The following BANP variants were observed in gnomAD, a reference collection of about 807,000 sequenced individuals.
BANP encodes BTG3 associated nuclear protein.
Under a neutral mutation model 68.1 loss-of-function variants are expected in BANP, and 11 were observed. The observed-to-expected ratio is 0.16, with a 90% CI of 0.10 to 0.27. The LOEUF (loss-of-function observed/expected upper bound fraction) is 0.27. BANP is among the 10% of genes least tolerant of loss of function. BANP has a pLI of 1.00. For synonymous variants in BANP, 329 were observed against 303.2 expected, an observed-to-expected ratio of 1.09 and a Z score of -0.88; for missense variants, 504 against 722.7, an observed-to-expected ratio of 0.70 and a Z score of 3.47.
intron 1 of BANP, among the ~76,000 whole-genome samples, chr16:87,963,091 A>T (rs919060003): frequency 6.6e-6 from 1 of 152,010 alleles, no homozygotes; most frequent in Admixed American, 6.5e-5. Flanking sequence ...TCCTGTCCTA[A>T]TTTTTATGGC....
At chr16:87,999,398 GGAC>G (rs2152535442) in intron 4 of BANP, among the ~76,000 whole-genome samples, 1 of 131,070 alleles carries the variant, frequency 7.6e-6, no homozygotes, top group African/African-American at 2.9e-5. Flanking sequence ...GTGCGCGGCT[GGAC>G]TTACCTGTCC....
chr16:87,970,617 A>G (rs2060928663), intron 1 of BANP, among the ~76,000 whole-genome samples: 1 of 152,216 alleles, frequency 6.6e-6, no homozygotes, highest in Admixed American at 6.5e-5. Context: ...ATTTAAAAAT[A>G]TTTCCCTTTC....
chr16:87,964,990 T>A (rs939954957), intron 1 of BANP, among the ~76,000 whole-genome samples: 2 of 152,188 alleles, frequency 1.3e-5, no homozygotes, highest in Non-Finnish European at 2.9e-5. Flanking sequence ...CTGGAGTTCA[T>A]GTGCGAGGTC....
At chr16:88,038,367 A>G (rs2079922289) in intron 11 of BANP, among the ~76,000 whole-genome samples, 2 of 152,082 alleles carry the variant, frequency 1.3e-5, no homozygotes, top group South Asian at 4.1e-4. Flanking sequence ...CACCATGACA[A>G]TGCACAGGCC....
chr16:87,963,968 T>C (rs4843282), intron 1 of BANP, among the ~76,000 whole-genome samples: 102,511 of 152,114 alleles, frequency 0.67, 35,349 homozygotes, highest in African/African-American at 0.8. Flanking sequence ...AATTAAATAC[T>C]TTTGCAGCTG....
At chr16:88,072,280 C>T (rs1473709939) in intron 13 of BANP, 68 bp downstream of exon 13, 3 of 1,529,924 alleles carry the variant, frequency 2.0e-6, no homozygotes, top group African/African-American at 1.4e-5. Context: ...CCACCGGGCA[C>T]ACGTGGCCCC....
At chr16:88,051,715 A>C (rs923403266) in intron 11 of BANP, among the ~76,000 whole-genome samples, 1 of 152,134 alleles carries the variant, frequency 6.6e-6, no homozygotes, top group African/African-American at 2.4e-5. Context: ...GAAATTCAGG[A>C]TTTCTCTTGA....
At chr16:88,038,518 G>T (rs911219275) in intron 11 of BANP, among the ~76,000 whole-genome samples, 1 of 148,640 alleles carries the variant, frequency 6.7e-6, no homozygotes, top group Non-Finnish European at 1.5e-5. Context: ...ACACGCATGC[G>T]TATGTTGATG....
intron 1 of BANP, among the ~76,000 whole-genome samples, chr16:87,955,222 G>A (rs1343600384): frequency 6.6e-6 from 1 of 151,722 alleles, no homozygotes; most frequent in East Asian, 1.9e-4. Flanking sequence ...GTGTAGTGCG[G>A]TGGGCTCTGT....
chr16:87,964,537 C>T lies in BANP; in HGVS notation c.-68-10511C>T, dbSNP rs186821062. ...CATGGGGAGGCCCAAATGCAGGGGCCGAGTGAGCGTGGCGGGGAGGAGAGC... is the reference window on the plus strand; with the variant it reads ...CATGGGGAGGCCCAAATGCAGGGGCTGAGTGAGCGTGGCGGGGAGGAGAGC... On this transcript the variant is annotated intron_variant, in intron 1 of 13. Transcript: ENST00000682872. Among the ~76,000 whole-genome samples, 51 of 152,292 alleles carry T rather than the reference C, an allele frequency of 3.3e-4. 2 individuals carry two copies. The East Asian group carries it at 7.7e-3, about 23-fold the overall frequency.
In BANP at chr16:88,053,275, ACCG is replaced by A. The variant is rs1240102775; in HGVS notation, c.1312-11991_1312-11989del. On this transcript the variant is annotated intron_variant, in intron 11 of 13. Transcript: ENST00000682872. ...CACCCCCACCTCCTTCACTATCATC[ACCG>A]TCACCAACACAGTCCCCTTCACCAC... Among the ~76,000 whole-genome samples the A allele has an allele frequency of 6.0e-5, 9 of 151,114 alleles. No homozygotes were observed. In the East Asian group the frequency reaches 1.8e-3, roughly 29 times the overall value.
At chr16:88,060,254 G>A (rs576006262) in intron 11 of BANP, among the ~76,000 whole-genome samples, 21 of 152,356 alleles carry the variant, frequency 1.4e-4, no homozygotes, top group Admixed American at 4.6e-4. Flanking sequence ...GTTGCCCTCC[G>A]GGCAGAGCCC....
chr16:88,066,527 A>C (rs1223318694), intron 12 of BANP, among the ~76,000 whole-genome samples: 1 of 152,122 alleles, frequency 6.6e-6, no homozygotes, highest in African/African-American at 2.4e-5. Context: ...TGTTCCCAAA[A>C]ACAAGTGCCT....
At chr16:87,951,622 C>T (rs1240596928) in intron 1 of BANP, 107 bp downstream of exon 1, 2 of 149,638 alleles carry the variant, frequency 1.3e-5, no homozygotes, top group Non-Finnish European at 3.0e-5. Context: ...CGCCGGGCCG[C>T]CCGCGCCGCA....
At chr16:87,967,293 G>C (rs1380745689) in intron 1 of BANP, among the ~76,000 whole-genome samples, 1 of 129,560 alleles carries the variant, frequency 7.7e-6, no homozygotes, top group African/African-American at 2.9e-5. Context: ...ATTTTTAGTA[G>C]AGACGGGGTT....
chr16:87,985,997 T>C (rs1426712799), intron 4 of BANP, among the ~76,000 whole-genome samples: 1 of 152,208 alleles, frequency 6.6e-6, no homozygotes, highest in African/African-American at 2.4e-5. Context: ...CTCATGAAGC[T>C]CTGGTTCATT....
intron 11 of BANP, among the ~76,000 whole-genome samples, chr16:88,041,905 C>A (rs1263281680): frequency 6.6e-6 from 1 of 152,216 alleles, no homozygotes; most frequent in Non-Finnish European, 1.5e-5. Flanking sequence ...GCGCAAGAAC[C>A]ACAGAGCCTG....
chr16:87,988,502 T>A (rs11643407), intron 4 of BANP, among the ~76,000 whole-genome samples: 50,749 of 151,876 alleles, frequency 0.33, 9,858 homozygotes, highest in Non-Finnish European at 0.46. Context: ...CCTGACCTCA[T>A]GATCCACCCG....
At chr16:87,988,523 C>T (rs2065046239) in intron 4 of BANP, among the ~76,000 whole-genome samples, 1 of 152,074 alleles carries the variant, frequency 6.6e-6, no homozygotes, top group Non-Finnish European at 1.5e-5. Context: ...CCTCGGCCTC[C>T]CAAAGTGCTG....
Sources: gnomAD v4.1 joint callset for allele counts (sites outside exome capture counted in the v4.1 genomes callset) on GRCh38, gnomAD v4.1.1 for gene constraint, MANE v1.5 for transcripts, NCBI Gene and HGNC (gene_info 2026-07-23, HGNC 2026-07-21) for gene names.